Variants in MTHFD1L observed in about 807,000 individuals in gnomAD.
MTHFD1L encodes the protein monofunctional C1-tetrahydrofolate synthase, mitochondrial.
In MTHFD1L, 81 loss-of-function variants were observed where a neutral mutation model predicts 119.5. The ratio of observed to expected loss-of-function variants is 0.68; its 90% CI spans 0.57 to 0.82. The LOEUF (loss-of-function observed/expected upper bound fraction) is 0.82. MTHFD1L is among the 40% of genes least tolerant of loss of function. The probability of loss-of-function intolerance (pLI) is 0.00; values close to 1 mark genes in which losing one functional copy is unlikely to be tolerated. For missense variants in MTHFD1L, 1,125 were observed against 1,253.4 expected (o/e 0.90, Z 1.55); for synonymous variants, 430 against 475.2 (o/e 0.90, Z 1.24).
chr6:151,091,487 G>A (rs1794446542), intron 26 of MTHFD1L, among the ~76,000 whole-genome samples: 1 of 152,134 alleles, frequency 6.6e-6, no homozygotes, highest in South Asian at 2.1e-4. Flanking sequence ...GGAGGAGAGT[G>A]TGCGGTTTGA....
At chr6:151,096,732 G>T (rs1377957577) in intron 27 of MTHFD1L, among the ~76,000 whole-genome samples, 1 of 152,234 alleles carries the variant, frequency 6.6e-6, no homozygotes, top group Non-Finnish European at 1.5e-5. Flanking sequence ...CCCCAGGAAA[G>T]TGTTGAAGGC....
chr6:150,891,243 C>T (rs1783218385), intron 7 of MTHFD1L, among the ~76,000 whole-genome samples: 2 of 152,074 alleles, frequency 1.3e-5, no homozygotes, highest in South Asian at 4.1e-4. Context: ...ACCTCGACCT[C>T]CCAAAATGCT....
chr6:151,080,381 A>G (rs986927392), intron 26 of MTHFD1L, among the ~76,000 whole-genome samples: 2 of 152,170 alleles, frequency 1.3e-5, no homozygotes, highest in Non-Finnish European at 2.9e-5. Context: ...TGTTGCGGGT[A>G]TCAGGGCAGC....
At chr6:151,084,690 G>T (rs1793551982) in intron 26 of MTHFD1L, among the ~76,000 whole-genome samples, 1 of 152,126 alleles carries the variant, frequency 6.6e-6, no homozygotes, top group Admixed American at 6.5e-5. Context: ...GACGGGCCGG[G>T]CGTGGTGGCT....
chr6:150,989,528 T>C (rs1242712366), intron 20 of MTHFD1L, among the ~76,000 whole-genome samples: 1 of 152,228 alleles, frequency 6.6e-6, no homozygotes, highest in Non-Finnish European at 1.5e-5. Context: ...AACTGACAAC[T>C]TATTTTAAGT....
chr6:150,994,836 C>T (rs991733138), intron 20 of MTHFD1L, among the ~76,000 whole-genome samples: 70 of 152,280 alleles, frequency 4.6e-4, no homozygotes, highest in Non-Finnish European at 6.8e-4. Context: ...GGCATCGTTA[C>T]ATTGCAGATA....
At chr6:151,015,770 C>T in intron 24 of MTHFD1L, 77 bp downstream of exon 24, 1 of 1,499,104 alleles carries the variant, frequency 6.7e-7, no homozygotes, top group Non-Finnish European at 9.0e-7. Context: ...TCACCACAAC[C>T]CTACAGATAA....
intron 7 of MTHFD1L, among the ~76,000 whole-genome samples, chr6:150,902,241 AT>A (rs1271114696): frequency 6.6e-5 from 10 of 152,144 alleles, no homozygotes; most frequent in African/African-American, 2.2e-4. Context: ...TTAAAAATTC[AT>A]GACTTTGAGA....
At chr6:150,904,319 G>A (rs1785535286) in intron 7 of MTHFD1L, among the ~76,000 whole-genome samples, 1 of 152,148 alleles carries the variant, frequency 6.6e-6, no homozygotes, top group Non-Finnish European at 1.5e-5. Flanking sequence ...AGACTCTGTG[G>A]TTAGTTGCAG....
At chr6:150,884,825 C>T (rs1337842590) in intron 5 of MTHFD1L, among the ~76,000 whole-genome samples, 2 of 152,016 alleles carry the variant, frequency 1.3e-5, no homozygotes, top group Non-Finnish European at 2.9e-5. Context: ...TTCCACTGCC[C>T]CCCACCCCGA....
chr6:150,974,887 C>T (rs2129027205), intron 20 of MTHFD1L, among the ~76,000 whole-genome samples: 2 of 152,166 alleles, frequency 1.3e-5, no homozygotes, highest in East Asian at 3.9e-4. Context: ...CAAACATGCA[C>T]CACCACGCCC....
Position 150,964,971 on chromosome 6 carries a change from G to A in MTHFD1L, c.1947G>A (p.Gly649=), listed in dbSNP as rs1201464799. ...SGQPVTADDL[G]VTGALTVLMK... ...TAATGTTTTTCTCTCTCCTGTAGGG[G>A]GTGACAGGTGCTTTGACAGTTTTGA... Residue 649 remains glycine, a splice_region_variant and synonymous_variant, in exon 19 of 28, where the codon GGG becomes GGA. Transcript: ENST00000367321. 1.9e-6 allele frequency: 3 copies of A among 1,613,660 alleles called. No homozygotes were observed. The highest frequency in any genetic ancestry group is 3.3e-5 in the Admixed American group (2 of 60,012).
intron 8 of MTHFD1L, among the ~76,000 whole-genome samples, chr6:150,915,899 C>T (rs965522850): frequency 3.9e-5 from 6 of 152,108 alleles, no homozygotes; most frequent in South Asian, 2.1e-4. Flanking sequence ...CCACCGCACC[C>T]GGATGCTTTT....
At chr6:150,954,220 G>A (rs1795276827) in intron 16 of MTHFD1L, among the ~76,000 whole-genome samples, 3 of 152,164 alleles carry the variant, frequency 2.0e-5, no homozygotes, top group East Asian at 1.9e-4. Context: ...GTGCTGTATC[G>A]TATACATTGA....
intron 13 of MTHFD1L, among the ~76,000 whole-genome samples, chr6:150,943,849 A>C (rs1793536675): frequency 6.6e-6 from 1 of 152,206 alleles, no homozygotes; most frequent in African/African-American, 2.4e-5. Context: ...CTATTTCTCC[A>C]AAGTTCTGTA....
rs183882770 is a variant in MTHFD1L, at chr6:151,060,533, G to A, written c.2847+23416G>A. 7.2e-5 allele frequency among the ~76,000 whole-genome samples: 11 copies of A among 152,330 alleles called. No individual in the cohort carries two copies. In the East Asian group the frequency reaches 1.9e-3, roughly 27 times the overall value. On this transcript the variant is annotated intron_variant, in intron 26 of 27. Transcript: ENST00000367321. ...AGCCCCCTGCTCCAGGAGCCAGGGA[G>A]CAGATGCCATGGGGGGCTGGCAGGG...
intron 1 of MTHFD1L, among the ~76,000 whole-genome samples, chr6:150,875,608 A>G (rs113643689): frequency 7.2e-5 from 11 of 152,098 alleles, no homozygotes; most frequent in African/African-American, 2.7e-4. Context: ...CCTGGAATTT[A>G]TCCTGTCTCG....
intron 17 of MTHFD1L, among the ~76,000 whole-genome samples, chr6:150,959,501 A>G (rs1796128661): frequency 1.3e-5 from 2 of 152,182 alleles, no homozygotes; most frequent in African/African-American, 4.8e-5. Flanking sequence ...CAGCCAAGAG[A>G]TGGGAATAGG....
chr6:151,054,485 G>A (rs6909221), intron 26 of MTHFD1L, among the ~76,000 whole-genome samples: 68 of 152,278 alleles, frequency 4.5e-4, no homozygotes, highest in African/African-American at 1.6e-3. Context: ...CGAAGTGCAC[G>A]AGTCCCCTTT....
Sources: allele counts gnomAD v4.1 joint callset (sites outside exome capture counted in the v4.1 genomes callset), GRCh38; gene constraint gnomAD v4.1.1; transcripts MANE v1.5; gene names NCBI Gene and HGNC (gene_info 2026-07-23, HGNC 2026-07-21).